Variants in CABLES2 observed in about 807,000 individuals in gnomAD.
The protein encoded by CABLES2 is CDK5 and ABL1 enzyme substrate 2.
Under a neutral mutation model 44.8 loss-of-function variants are expected in CABLES2, and 35 were observed. That is an observed-to-expected ratio of 0.78 (90% CI 0.60 to 1.04). CABLES2 has a LOEUF of 1.04. Ranked by LOEUF, CABLES2 falls within the 50% of genes least tolerant of loss-of-function variation. The pLI is 0.00. For missense variants in CABLES2, 566 were observed against 615.7 expected, an observed-to-expected ratio of 0.92 and a Z score of 0.85; for synonymous variants, 282 against 281.1, an observed-to-expected ratio of 1.00 and a Z score of -0.03.
rs979108950 is a variant in CABLES2, at chr20:62,407,168, G to C, written c.109C>G (p.Arg37Gly). Residue 37 changes from arginine to glycine, a missense_variant, in exon 1 of 10, where the codon CGG becomes GGG. Physicochemically the swap from Arg to Gly is moderately radical, Grantham distance 125. Around this residue, in one of 2 missense-constraint regions of CABLES2, gnomAD observed 130 missense variants for 79.4 expected, o/e 1.64. Transcript: ENST00000279101. ...CGGCGCCGCGAGTCCCCGCGCCTCCGCAGCGCCTGCGGCGGGGCCCGAGCG... is the reference window on the plus strand; with the variant it reads ...CGGCGCCGCGAGTCCCCGCGCCTCCCCAGCGCCTGCGGCGGGGCCCGAGCG... ...SAARAPPQAL[R>G]RRGDSRRRQA... The C allele has an allele frequency of 2.9e-5, 29 of 1,000,772 alleles. No individual in the cohort carries two copies. The highest frequency in any genetic ancestry group is 3.1e-5 in the Non-Finnish European group (26 of 840,850). 62.0% of individuals were successfully genotyped at this position (1,000,772 alleles called of 1,614,324 possible).
intron 5 of CABLES2, among the ~76,000 whole-genome samples, 174 bp downstream of exon 5, chr20:62,393,983 G>A (rs1385359163): frequency 6.6e-6 from 1 of 152,162 alleles, no homozygotes; most frequent in Non-Finnish European, 1.5e-5. Flanking sequence ...GAGTCCGACG[G>A]GCTCCAGGGC....
chr20:62,388,686 T>C lies in CABLES2; in HGVS notation c.*2285A>G, dbSNP rs763064889. On this transcript the variant is annotated 3_prime_UTR_variant, in exon 10 of 10. Coordinates refer to ENST00000279101, the MANE Select transcript of CABLES2 (RefSeq NM_031215.3). ...TACATTATCCATTTAAAAACAGATATCTAAGACAAAATAACTCAAACATTC... is the reference window on the plus strand; with the variant it reads ...TACATTATCCATTTAAAAACAGATACCTAAGACAAAATAACTCAAACATTC... The C allele has an allele frequency of 2.4e-5, 14 of 591,760 alleles. No individual in the cohort carries two copies. The highest frequency in any genetic ancestry group is 4.2e-5 in the Non-Finnish European group (14 of 335,548). 36.7% of individuals were successfully genotyped at this position (591,760 alleles called of 1,614,324 possible).
In CABLES2 at chr20:62,391,237, C is replaced by T; in HGVS notation, c.1296+12G>A. 1 of 1,604,354 alleles carries T rather than the reference C, an allele frequency of 6.2e-7. No homozygotes were observed. Among genetic ancestry groups the T allele is most frequent in the Non-Finnish European group, 8.5e-7 (1 of 1,173,642 alleles). On this transcript the variant is annotated intron_variant, in intron 9 of 9. Coordinates refer to ENST00000279101, the MANE Select transcript of CABLES2 (RefSeq NM_031215.3). The surrounding 1 kb of genome is among the most constrained non-coding windows in gnomAD (Gnocchi z 5.7). ...GACCCTGCCTGCAGTGCCTGCCGAGCCGGGCACTCACATCGATGAGCTGCG... is the reference window on the plus strand; with the variant it reads ...GACCCTGCCTGCAGTGCCTGCCGAGTCGGGCACTCACATCGATGAGCTGCG...
rs753729271 is a variant in CABLES2, at chr20:62,393,043, T to C, written c.881-20A>G. ...CACTCCCTGTAAGAGAGGCAACCCC[T>C]GACCCACCAGGAGTCTTGAGCAGTA... On this transcript the variant is annotated intron_variant, in intron 6 of 9. Coordinates refer to ENST00000279101, the MANE Select transcript of CABLES2 (RefSeq NM_031215.3). The C allele has an allele frequency of 1.2e-6, 2 of 1,600,568 alleles. No homozygotes were observed. The highest frequency in any genetic ancestry group is 2.2e-5 in the East Asian group (1 of 44,814).
At chr20:62,398,171 A>AATGGTGGTGGTGGTG (rs1428929632) in intron 1 of CABLES2, among the ~76,000 whole-genome samples, 1 of 23,246 alleles carries the variant, frequency 4.3e-5, no homozygotes, top group Non-Finnish European at 7.6e-5. Context: ...TGATGGTGGT[A>AATGGTGGTGGTGGTG]ATGGTGGTGG....
chr20:62,393,383 G>A (rs1987955555), intron 6 of CABLES2, 57 bp downstream of exon 6: 3 of 1,514,890 alleles, frequency 2.0e-6, no homozygotes, highest in South Asian at 1.3e-5. Context: ...TCCCTGGGCC[G>A]TGGTTAAGGC....
chr20:62,394,186 C>G lies in CABLES2; in HGVS notation c.685G>C (p.Glu229Gln), dbSNP rs1354409332. 1 of 1,613,608 alleles carries G rather than the reference C, an allele frequency of 6.2e-7. No homozygotes were observed. The part of the protein sequence containing the change: ...SVSSEMVFEL[E>Q]GVELGADGKV... ...CCGTCTGCTCCTAGCTCCACACCTTCTAGCTCAAAGACCATCTCGGAAGAC... is the reference window on the plus strand; with the variant it reads ...CCGTCTGCTCCTAGCTCCACACCTTGTAGCTCAAAGACCATCTCGGAAGAC... Residue 229 changes from glutamate to glutamine, a missense_variant, in exon 5 of 10, where the codon GAA becomes CAA. By Grantham distance (29) the Glu-to-Gln change is conservative. Coordinates refer to ENST00000279101, the MANE Select transcript of CABLES2 (RefSeq NM_031215.3).
rs1987867558 is a variant in CABLES2 at position 62,389,359 on chromosome 20, C to T, written c.*1612G>A. On this transcript the variant is annotated 3_prime_UTR_variant, in exon 10 of 10. Coordinates refer to ENST00000279101, the MANE Select transcript of CABLES2 (RefSeq NM_031215.3). The stretch of plus-strand genomic sequence containing the variant: ...AGAAAGAACAAAGGCTTTGGTTTGT[C>T]CTCATCCTCCAGTCTGTCCCACACA... 1 of 152,266 alleles carries T rather than the reference C, an allele frequency of 6.6e-6. No individual in the cohort carries two copies. Among genetic ancestry groups the T allele is most frequent in the African/African-American group, 2.4e-5 (1 of 41,452 alleles). The allele number at this position is 152,266 out of a possible 1,614,324, so 9.4% of individuals were successfully genotyped here. A position where few individuals can be genotyped will look rare whatever the true frequency, so the allele number is the denominator to read the frequency against.
At chr20:62,392,271 G>T (rs1987933058) in intron 8 of CABLES2, 118 bp downstream of exon 8, 2 of 760,042 alleles carry the variant, frequency 2.6e-6, no homozygotes, top group Admixed American at 4.1e-5. Context: ...TGGCGAGAGG[G>T]GGTTGGGGAT....
chr20:62,392,545 G>A (rs756034102), intron 7 of CABLES2, 50 bp from the exon 8 acceptor site: 3 of 1,301,288 alleles, frequency 2.3e-6, no homozygotes, highest in South Asian at 1.2e-5. Context: ...ACAGTCCATG[G>A]GTCCTGCCTG....
rs13043447 is a variant in CABLES2, at chr20:62,389,801, C to T, written c.*1170G>A. On this transcript the variant is annotated 3_prime_UTR_variant, in exon 10 of 10. Coordinates refer to ENST00000279101, the MANE Select transcript of CABLES2 (RefSeq NM_031215.3). ...ATTTGTTGCAAGAACTTCAGACAGA[C>T]GTGGAAAAACTAGAGATGGGGCCCT... The T allele has an allele frequency of 0.099, 15,057 of 152,288 alleles. 977 individuals carry two copies. The highest frequency in any genetic ancestry group is 0.18 in the African/African-American group (7,412 of 41,504). The allele number at this position is 152,288 out of a possible 1,614,324, so 9.4% of individuals were successfully genotyped here. A position where few individuals can be genotyped will look rare whatever the true frequency, so the allele number is the denominator to read the frequency against.
intron 5 of CABLES2, among the ~76,000 whole-genome samples, chr20:62,393,812 A>T (rs1020800063): frequency 6.6e-6 from 1 of 152,202 alleles, no homozygotes; most frequent in Non-Finnish European, 1.5e-5. Flanking sequence ...ACTGTGCTTT[A>T]TCTGGGTTCT....
rs942252597 is a variant in CABLES2, at chr20:62,390,795, G to A, written c.*176C>T. Reference sequence around the variant, plus strand: ...CGGTGCACTTGGGGATGAAAGCGACGTCTCTTTCCAAGGAAATGGCAAAGA... The same window carrying A: ...CGGTGCACTTGGGGATGAAAGCGACATCTCTTTCCAAGGAAATGGCAAAGA... On this transcript the variant is annotated 3_prime_UTR_variant, in exon 10 of 10. Transcript: ENST00000279101. 1.0e-5 allele frequency: 7 copies of A among 668,672 alleles called. No homozygotes were observed. The highest frequency in any genetic ancestry group is 3.6e-5 in the African/African-American group (2 of 55,468). The allele number at this position is 668,672 out of a possible 1,614,324, so 41.4% of individuals were successfully genotyped here. A position where few individuals can be genotyped will look rare whatever the true frequency, so the allele number is the denominator to read the frequency against.
At chr20:62,400,436 C>G (rs935198489) in intron 1 of CABLES2, among the ~76,000 whole-genome samples, 4 of 152,272 alleles carry the variant, frequency 2.6e-5, no homozygotes, top group Admixed American at 2.0e-4. Flanking sequence ...GGACAGACTG[C>G]CCCAAGAGGA....
At chr20:62,406,567 A>C (rs1988289895) in intron 1 of CABLES2, among the ~76,000 whole-genome samples, 1 of 105,734 alleles carries the variant, frequency 9.5e-6, no homozygotes, top group African/African-American at 4.4e-5. Flanking sequence ...ACCCTCAGCC[A>C]GCCCAGGAAC....
At position 62,390,849 on chromosome 20, in the gene CABLES2, G is replaced by A; in HGVS notation, c.*122C>T. On this transcript the variant is annotated 3_prime_UTR_variant, in exon 10 of 10. Coordinates refer to ENST00000279101, the MANE Select transcript of CABLES2 (RefSeq NM_031215.3). ...AAAAAGGAAAGCTGCACCAGCGGAGGCCAGGTGCCTCCTGCTAGCAGGTGC... is the reference window on the plus strand; with the variant it reads ...AAAAAGGAAAGCTGCACCAGCGGAGACCAGGTGCCTCCTGCTAGCAGGTGC... The A allele has an allele frequency of 8.4e-7, 1 of 1,186,762 alleles. No homozygotes were observed. The highest frequency in any genetic ancestry group is 1.2e-6 in the Non-Finnish European group (1 of 833,654). 73.5% of individuals were successfully genotyped at this position (1,186,762 alleles called of 1,614,324 possible). A position where few individuals can be genotyped will look rare whatever the true frequency, so the allele number is the denominator to read the frequency against.
At chr20:62,394,838 G>A (rs920222915) in intron 4 of CABLES2, 99 bp downstream of exon 4, 2 of 1,063,246 alleles carry the variant, frequency 1.9e-6, no homozygotes, top group East Asian at 5.3e-5. Context: ...CCGCACCTGG[G>A]GGCGCAGTGC....
At position 62,393,549 on chromosome 20, in the gene CABLES2, A is replaced by G. The variant is rs1380610821; in HGVS notation, c.771T>C (p.Ser257=). The G allele has an allele frequency of 1.9e-6, 3 of 1,612,334 alleles. No individual in the cohort carries two copies. The African/African-American group carries it at 4.0e-5, about 22-fold the overall frequency. Residue 257 remains serine, a synonymous_variant, in exon 6 of 10, where the codon AGT becomes AGC. Coordinates refer to ENST00000279101, the MANE Select transcript of CABLES2 (RefSeq NM_031215.3). Reference sequence around the variant, plus strand: ...GTGTGGGCAGCAGGCCATGGCTGTCACTCTTGTGTGTGACCAGGGCGTTGG... The same window carrying G: ...GTGTGGGCAGCAGGCCATGGCTGTCGCTCTTGTGTGTGACCAGGGCGTTGG... ...YPTNALVTHK[S]DSHGLLPTPR... is the part of the protein sequence containing the mutation.
rs1987914161 is a variant in CABLES2 at position 62,391,348 on chromosome 20, G to A, written c.1197C>T (p.Leu399=). Residue 399 remains leucine (L), a synonymous_variant, in exon 9 of 10, where the codon CTC becomes CTT. Transcript: ENST00000279101. This position sits in a 1 kb window ranked among gnomAD's most constrained non-coding sequence, Gnocchi z 5.7. The part of the protein sequence containing the change: ...YFEKLVLQGK[L]SKQNRKLCAG... The stretch of plus-strand genomic sequence containing the variant: ...CGCACAGCTTGCGGTTCTGTTTGCT[G>A]AGCTTGCCCTGCAGGACCAGCTTCT... 3.7e-6 allele frequency: 6 copies of A among 1,613,464 alleles called. No homozygotes were observed. The highest frequency in any genetic ancestry group is 2.2e-5 in the South Asian group (2 of 91,086).
Sources: gnomAD v4.1 joint callset for allele counts (sites outside exome capture counted in the v4.1 genomes callset) on GRCh38, gnomAD v4.1.1 for gene constraint, gnomAD v4.1.1 regional missense constraint, Gnocchi (gnomAD v3.1) non-coding constraint, MANE v1.5 for transcripts, NCBI Gene and HGNC (gene_info 2026-07-23, HGNC 2026-07-21) for gene names.